The following SLCO2B1 variants were observed in gnomAD, a reference collection of about 807,000 sequenced individuals.
SLCO2B1 encodes the protein OATP-RP2.
Under a neutral mutation model 67.3 loss-of-function variants are expected in SLCO2B1, and 41 were observed. The observed-to-expected ratio is 0.61, with a 90% CI of 0.47 to 0.79. The LOEUF is 0.79. SLCO2B1 is among the 30% of genes least tolerant of loss of function. The probability of loss-of-function intolerance (pLI) is 0.00; values close to 1 mark genes in which losing one functional copy is unlikely to be tolerated. For synonymous variants in SLCO2B1, 379 were observed against 381.4 expected (o/e 0.99, Z 0.07); for missense variants, 837 against 920.1 (o/e 0.91, Z 1.17).
intron 1 of SLCO2B1, chr11:75,156,938 A>G (rs1358288772): frequency 1.3e-5 from 2 of 152,240 alleles, no homozygotes; most frequent in African/African-American, 4.8e-5. Context: ...GGTGGGATTT[A>G]GCCGGCTTCT....
intron 7 of SLCO2B1, among the ~76,000 whole-genome samples, chr11:75,185,415 G>T (rs995320945): frequency 6.6e-6 from 1 of 151,718 alleles, no homozygotes; most frequent in African/African-American, 2.4e-5. Flanking sequence ...GGGAAGCCTT[G>T]CCTGCGCACC....
Position 75,169,329 on chromosome 11 carries a change from G to C in SLCO2B1, c.605G>C (p.Gly202Ala). The C allele has an allele frequency of 1.2e-6, 2 of 1,614,074 alleles. No homozygotes were observed. The highest frequency in any genetic ancestry group is 1.7e-6 in the Non-Finnish European group (2 of 1,179,978). Residue 202 changes from glycine (G) to alanine (A), a missense_variant, in exon 5 of 14, where the codon GGC (glycine) becomes GCC (alanine). Transcript: ENST00000289575. ...GTGGCACAGACCCTGCTGGGCGTGGGCGGGGTGCCCATTCAGCCCTTTGGC... is the reference window on the plus strand; with the variant it reads ...GTGGCACAGACCCTGCTGGGCGTGGCCGGGGTGCCCATTCAGCCCTTTGGC... Reference protein sequence around the residue: ...MFVAQTLLGVGGVPIQPFGIS... With the variant: ...MFVAQTLLGVAGVPIQPFGIS...
Position 75,204,488 on chromosome 11 carries a change from G to A in SLCO2B1, c.2038G>A (p.Ala680Thr), listed in dbSNP as rs773804224. 1.2e-6 allele frequency: 2 copies of A among 1,613,630 alleles called. No individual in the cohort carries two copies. Among genetic ancestry groups the A allele is most frequent in the Non-Finnish European group, 1.7e-6 (2 of 1,179,744 alleles). Residue 680 changes from alanine (A) to threonine (T), a missense_variant, in exon 14 of 14, where the codon GCA becomes ACA. Physicochemically the swap from Ala to Thr is moderately conservative, Grantham distance 58. Transcript: ENST00000289575. ...TGTCCTGAGGCAGCAGGACAAAGAG[G>A]CAAGGACCAAAGAGAGCAGATCCAG... is the stretch of plus-strand genomic sequence containing the variant. ...LAVLRQQDKE[A>T]RTKESRSSPA...
At position 75,193,148 on chromosome 11, in the gene SLCO2B1, G is replaced by A. The variant is rs768112421; in HGVS notation, c.1076-70G>A. 18 of 1,139,844 alleles carry A rather than the reference G, an allele frequency of 1.6e-5. No homozygotes were observed. The highest frequency in any genetic ancestry group is 1.9e-5 in the Non-Finnish European group (15 of 788,208). The allele number at this position is 1,139,844 out of a possible 1,614,324, so 70.6% of individuals were successfully genotyped here. A position where few individuals can be genotyped will look rare whatever the true frequency, so the allele number is the denominator to read the frequency against. On this transcript the variant is annotated intron_variant, in intron 8 of 13. Transcript: ENST00000289575. This position sits in a 1 kb window ranked among gnomAD's most constrained non-coding sequence, Gnocchi z 4.2. Reference sequence around the variant, plus strand: ...AATGGAACTGCTTGAACTGAGCAGGGCAGGAGGGCAGTCTCTGCTGGACAG... The same window carrying A: ...AATGGAACTGCTTGAACTGAGCAGGACAGGAGGGCAGTCTCTGCTGGACAG...
Position 75,172,576 on chromosome 11 carries a change from T to C in SLCO2B1, c.972+7T>C. On this transcript the variant is annotated splice_region_variant and intron_variant, in intron 7 of 13. Coordinates refer to ENST00000289575, the MANE Select transcript of SLCO2B1 (RefSeq NM_007256.5). ...AGACTCACCTGCCAGGAAGGTAAGC[T>C]CCCTCCATGTCACCTGACTGGGTCC... The C allele has an allele frequency of 6.2e-7, 1 of 1,611,038 alleles. No individual in the cohort carries two copies. The highest frequency in any genetic ancestry group is 8.5e-7 in the Non-Finnish European group (1 of 1,177,764).
chr11:75,180,398 T>A (rs1199317348), intron 7 of SLCO2B1, among the ~76,000 whole-genome samples: 1 of 152,246 alleles, frequency 6.6e-6, no homozygotes, highest in African/African-American at 2.4e-5. Flanking sequence ...TTTCTATTTT[T>A]AACTTTTGGG....
At chr11:75,151,471 G>T in intron 1 of SLCO2B1, 74 bp downstream of exon 1, 1 of 1,535,338 alleles carries the variant, frequency 6.5e-7, no homozygotes, top group Admixed American at 1.7e-5. Flanking sequence ...AAAGGGTGAG[G>T]CCGTAGAGCC....
In SLCO2B1 at chr11:75,164,065, A is replaced by G. The variant is rs765864501; in HGVS notation, c.250A>G (p.Ser84Gly). The G allele has an allele frequency of 6.2e-7, 1 of 1,608,910 alleles. No homozygotes were observed. The highest frequency in any genetic ancestry group is 8.5e-7 in the Non-Finnish European group (1 of 1,177,846). ...AGTGGAGAAGCGCTTCGGCCTCTCC[A>G]GCCAGACGTCGGGGCTGCTGGCCTC... ...STVEKRFGLS[S>G]QTSGLLASFN... The change falls in exon 3 of 14, where the codon AGC becomes GGC. Residue 84 changes from serine to glycine, a missense_variant. Coordinates refer to ENST00000289575, the MANE Select transcript of SLCO2B1 (RefSeq NM_007256.5).
At chr11:75,160,461 C>T (rs1246222380) in intron 1 of SLCO2B1, among the ~76,000 whole-genome samples, 3 of 152,218 alleles carry the variant, frequency 2.0e-5, no homozygotes. Flanking sequence ...CACAGAAAGC[C>T]TGTGGCATGG....
chr11:75,164,202 C>G lies in SLCO2B1; in HGVS notation c.285+102C>G, dbSNP rs1290968660. ...CTACCCTACCTTAAGGCCTTCCCCT[C>G]CCAGTGCCCTCAGGCAACCCCTGTC... On this transcript the variant is annotated intron_variant, in intron 3 of 13. Transcript: ENST00000289575. The G allele has an allele frequency of 5.4e-6, 7 of 1,304,672 alleles. No homozygotes were observed. The African/African-American group carries it at 5.9e-5, about 11-fold the overall frequency. 80.8% of individuals were successfully genotyped at this position (1,304,672 alleles called of 1,614,324 possible).
intron 8 of SLCO2B1, among the ~76,000 whole-genome samples, chr11:75,192,128 C>A (rs930954318): frequency 3.3e-5 from 5 of 152,162 alleles, no homozygotes; most frequent in African/African-American, 1.2e-4. Context: ...TAGGCCCTAG[C>A]TCTGTCCCAC....
intron 1 of SLCO2B1, among the ~76,000 whole-genome samples, chr11:75,160,987 T>C (rs940833964): frequency 2.0e-5 from 3 of 152,204 alleles, no homozygotes; most frequent in Admixed American, 6.5e-5. Context: ...TGTAAAATGG[T>C]GTTGCCACTG....
intron 5 of SLCO2B1, 99 bp downstream of exon 5, chr11:75,169,505 C>A: frequency 1.6e-6 from 2 of 1,267,828 alleles, no homozygotes; most frequent in Non-Finnish European, 2.2e-6. Flanking sequence ...AATCCCTGCC[C>A]CCTGCCCCAT....
chr11:75,203,544 T>A, intron 13 of SLCO2B1, 117 bp downstream of exon 13: 1 of 1,308,348 alleles, frequency 7.6e-7, no homozygotes, highest in Non-Finnish European at 1.1e-6. Context: ...GTGACAGGTG[T>A]CATTATATAT....
intron 13 of SLCO2B1, 127 bp downstream of exon 13, chr11:75,203,554 T>C: frequency 8.2e-7 from 1 of 1,219,796 alleles, no homozygotes; most frequent in Non-Finnish European, 1.2e-6. Flanking sequence ...TCATTATATA[T>C]TCAGTGCTGA....
chr11:75,166,090 C>A (rs891944643), intron 4 of SLCO2B1, 141 bp downstream of exon 4: 34 of 1,051,932 alleles, frequency 3.2e-5, no homozygotes, highest in East Asian at 7.8e-5. Context: ...CCCCCCCCAA[C>A]CTGGCTCCCC....
chr11:75,151,434 C>G, intron 1 of SLCO2B1, 37 bp downstream of exon 1: 2 of 1,611,258 alleles, frequency 1.2e-6, no homozygotes, highest in Non-Finnish European at 1.7e-6. Context: ...CCATGGAGAG[C>G]AAGCCTGGGG....
At chr11:75,185,179 A>T (rs1313784281) in intron 7 of SLCO2B1, among the ~76,000 whole-genome samples, 1 of 152,226 alleles carries the variant, frequency 6.6e-6, no homozygotes, top group East Asian at 1.9e-4. Context: ...GGTGGCTGAC[A>T]TGAAGGTTCT....
intron 8 of SLCO2B1, among the ~76,000 whole-genome samples, chr11:75,191,511 G>A (rs1017994693): frequency 1.3e-5 from 2 of 152,122 alleles, no homozygotes; most frequent in Admixed American, 6.5e-5. Context: ...CCCACCCACC[G>A]TCCTGAACTG....
Sources: allele counts gnomAD v4.1 joint callset (sites outside exome capture counted in the v4.1 genomes callset), GRCh38; gene constraint gnomAD v4.1.1; non-coding constraint Gnocchi (gnomAD v3.1); transcripts MANE v1.5; gene names NCBI Gene and HGNC (gene_info 2026-07-23, HGNC 2026-07-21).